HENMT1: variants seen among roughly 807,000 people sequenced by gnomAD.
HENMT1 encodes small RNA 2'-O-methyltransferase.
HENMT1 carries 27 observed loss-of-function variants against 31.1 expected under a neutral mutation model. The observed-to-expected ratio is 0.87, with a 90% CI of 0.64 to 1.20. The LOEUF (loss-of-function observed/expected upper bound fraction) is 1.20. Ranked by LOEUF, HENMT1 falls within the 50% of genes most tolerant of loss-of-function variation. The pLI, the probability that HENMT1 is intolerant of heterozygous loss-of-function variation, is 0.00. For missense variants in HENMT1, 438 were observed against 469.6 expected, an observed-to-expected ratio of 0.93 and a Z score of 0.62; for synonymous variants, 167 against 172.2, an observed-to-expected ratio of 0.97 and a Z score of 0.24.
chr1:108,658,044 TATACAC>T (rs1183895104), intron 2 of HENMT1, among the ~76,000 whole-genome samples: 10 of 117,026 alleles, frequency 8.5e-5, no homozygotes, highest in East Asian at 4.7e-4. Flanking sequence ...CACACATATA[TATACAC>T]ACACACACAC....
At chr1:108,655,744 G>A (rs1453348379) in intron 3 of HENMT1, 46 bp from the exon 4 acceptor site, 1 of 1,386,784 alleles carries the variant, frequency 7.2e-7, no homozygotes, top group South Asian at 1.2e-5. Flanking sequence ...TATAGCAAGA[G>A]AAGTATGATC....
chr1:108,650,436 C>T (rs750346585), intron 6 of HENMT1, 48 bp from the exon 7 acceptor site: 4 of 1,529,632 alleles, frequency 2.6e-6, no homozygotes, highest in Non-Finnish European at 2.7e-6. Context: ...TGTAGAGCTA[C>T]TGTTAAATAA....
chr1:108,654,681 T>G, intron 5 of HENMT1, 35 bp downstream of exon 5: 1 of 1,595,858 alleles, frequency 6.3e-7, no homozygotes, highest in Non-Finnish European at 8.6e-7. Context: ...GCTTTTCAAA[T>G]GAACAGTTAT....
rs200812446 is a variant in HENMT1 at position 108,650,368 on chromosome 1, C to T, written c.599G>A (p.Arg200His). The T allele has an allele frequency of 9.6e-5, 155 of 1,613,096 alleles. No homozygotes were observed. The highest frequency in any genetic ancestry group is 1.4e-4 in the South Asian group (13 of 90,776). ...FQTWALYVAN[R>H]YDYSVEFTGV... ...AGTAAACTCCACAGAGTAATCATAG[C>T]GATTTGCCACATATAAAGCCCTGAA... The change falls in exon 7 of 8, where the codon CGC becomes CAC. Residue 200 changes from arginine (R) to histidine (H), a missense_variant. Arg to His is a conservative substitution (Grantham distance 29). Coordinates refer to ENST00000651461, the MANE Select transcript of HENMT1 (RefSeq NM_001102592.2).
rs771379100 is a variant in HENMT1 at position 108,654,711 on chromosome 1, C to T, written c.398+5G>A. On this transcript the variant is annotated splice_donor_5th_base_variant and intron_variant, in intron 5 of 7. Coordinates refer to ENST00000651461, the MANE Select transcript of HENMT1 (RefSeq NM_001102592.2). ...AGTTATACAGTGTATCAGTTTAAAA[C>T]TTACAATTCAATACACGTTATCAAG... 6.2e-7 allele frequency: 1 copy of T among 1,613,890 alleles called. No individual in the cohort carries two copies. The highest frequency in any genetic ancestry group is 1.1e-5 in the South Asian group (1 of 91,080).
chr1:108,651,454 G>A (rs1017573655), intron 5 of HENMT1: 14 of 393,632 alleles, frequency 3.6e-5, no homozygotes, highest in Non-Finnish European at 5.5e-5. Flanking sequence ...AGACCAGCCC[G>A]GCCAACATGA....
chr1:108,654,902 C>A (rs746886847), intron 4 of HENMT1, 52 bp from the exon 5 acceptor site: 2 of 1,570,110 alleles, frequency 1.3e-6, no homozygotes, highest in Non-Finnish European at 1.7e-6. Context: ...TTTAAAAATT[C>A]TCACCAGCTA....
chr1:108,654,497 G>A lies in HENMT1; in HGVS notation c.398+219C>T, dbSNP rs182123472. Among the ~76,000 whole-genome samples, 139 of 152,242 alleles carry A rather than the reference G, an allele frequency of 9.1e-4. 3 individuals carry two copies. The highest frequency in any genetic ancestry group is 3.4e-3 in the Middle Eastern group (1 of 294). On this transcript the variant is annotated intron_variant, in intron 5 of 7. Transcript: ENST00000651461. ...GATGTTAACATCTGGATAAAGGGGG[G>A]TATAGGTATTCTTGGTACTATGTAT... is the stretch of plus-strand genomic sequence containing the variant.
intron 5 of HENMT1, among the ~76,000 whole-genome samples, chr1:108,654,312 T>C (rs1378737314): frequency 6.6e-6 from 1 of 152,142 alleles, no homozygotes; most frequent in Non-Finnish European, 1.5e-5. Flanking sequence ...TCAAGTCAAG[T>C]AGTGTGAGGC....
At chr1:108,656,516 TTCTC>T (rs1185318091) in intron 3 of HENMT1, among the ~76,000 whole-genome samples, 1 of 152,198 alleles carries the variant, frequency 6.6e-6, no homozygotes. Flanking sequence ...GACGGGCTCT[TTCTC>T]TGTTGCCCAG....
Position 108,659,934 on chromosome 1 carries a change from T to C in HENMT1, c.-50A>G, listed in dbSNP as rs749931596. On this transcript the variant is annotated 5_prime_UTR_variant, in exon 2 of 8. Coordinates refer to ENST00000651461, the MANE Select transcript of HENMT1 (RefSeq NM_001102592.2). ...AAAAATGAAGATTTATCCTTCAAGC[T>C]CTATTTGAGAGAATCAGCACTGACT... The C allele has an allele frequency of 6.4e-7, 1 of 1,573,358 alleles. No individual in the cohort carries two copies. The highest frequency in any genetic ancestry group is 1.2e-5 in the South Asian group (1 of 84,944).
intron 1 of HENMT1, 78 bp from the exon 2 acceptor site, chr1:108,660,040 A>G: frequency 1.4e-6 from 1 of 701,642 alleles, no homozygotes; most frequent in Non-Finnish European, 2.2e-6. Flanking sequence ...GAAGAACGAA[A>G]GCCTCTTTCT....
Position 108,655,704 on chromosome 1 carries a change from G to C in HENMT1, c.151-6C>G. The C allele has an allele frequency of 6.4e-7, 1 of 1,568,642 alleles. No homozygotes were observed. The highest frequency in any genetic ancestry group is 8.7e-7 in the Non-Finnish European group (1 of 1,149,312). ...CCACATCCCAGGTCTGCAACCTGTA[G>C]ATGAGACAGAATGTTATTTCAAAGA... On this transcript the variant is annotated splice_polypyrimidine_tract_variant and splice_region_variant and intron_variant, in intron 3 of 7. Transcript: ENST00000651461.
At chr1:108,649,500 T>C (rs747233249) in intron 7 of HENMT1, 5 of 401,114 alleles carry the variant, frequency 1.2e-5, no homozygotes, top group Non-Finnish European at 1.5e-5. Flanking sequence ...CCTGTCGTCC[T>C]AGCTACTTAG....
chr1:108,650,212 G>A lies in HENMT1; in HGVS notation c.755C>T (p.Ala252Val). 1 of 1,613,624 alleles carries A rather than the reference G, an allele frequency of 6.2e-7. No homozygotes were observed. The highest frequency in any genetic ancestry group is 1.7e-4 in the Middle Eastern group (1 of 6,058). Residue 252 changes from alanine to valine, a missense_variant and splice_region_variant, in exon 7 of 8, where the codon GCT (alanine) becomes GTT (valine). Ala to Val is a moderately conservative substitution (Grantham distance 64). Transcript: ENST00000651461. ...SEQHDQHVYK[A>V]VFTTSYPSLQ... ...AGCTATCTCACAAAGAATACTCACA[G>A]CTTTATAAACATGCTGATCATGCTG...
In HENMT1 at chr1:108,648,337, A is replaced by G; in HGVS notation, c.*229T>C. The G allele has an allele frequency of 1.9e-6, 1 of 525,816 alleles. No individual in the cohort carries two copies. The highest frequency in any genetic ancestry group is 3.4e-6 in the Non-Finnish European group (1 of 298,380). 32.6% of individuals were successfully genotyped at this position (525,816 alleles called of 1,614,324 possible). A position where few individuals can be genotyped will look rare whatever the true frequency, so the allele number is the denominator to read the frequency against. ...CCAACTTCTTTATTCTTGAGAAAAC[A>G]AAAAAGTCCAAAATCAAAGGAAAGC... On this transcript the variant is annotated 3_prime_UTR_variant, in exon 8 of 8. Coordinates refer to ENST00000651461, the MANE Select transcript of HENMT1 (RefSeq NM_001102592.2).
At position 108,650,276 on chromosome 1, in the gene HENMT1, T is replaced by C; in HGVS notation, c.691A>G (p.Lys231Glu). The C allele has an allele frequency of 1.9e-6, 3 of 1,614,164 alleles. No individual in the cohort carries two copies. The highest frequency in any genetic ancestry group is 2.5e-6 in the Non-Finnish European group (3 of 1,179,992). The change falls in exon 7 of 8, where the codon AAA becomes GAA. Residue 231 changes from lysine (K) to glutamate (E), a missense_variant. By Grantham distance (56) the Lys-to-Glu change is moderately conservative. Coordinates refer to ENST00000651461, the MANE Select transcript of HENMT1 (RefSeq NM_001102592.2). ...GYCTQIGIFR[K>E]NGGKATESCL... ...GATTCTGTTGCCTTTCCTCCATTTT[T>C]CCGGAAGATTCCTATCTGGGTACAG... is the stretch of plus-strand genomic sequence containing the variant.
Position 108,650,464 on chromosome 1 carries a change from G to A in HENMT1, c.579-76C>T. On this transcript the variant is annotated intron_variant, in intron 6 of 7. Transcript: ENST00000651461. Reference sequence around the variant, plus strand: ...TTAAATAAGGAACCATTTCTGGTCAGCAGTAAAAGAGAACATGAAAAATAC... The same window carrying A: ...TTAAATAAGGAACCATTTCTGGTCAACAGTAAAAGAGAACATGAAAAATAC... 4 of 1,291,664 alleles carry A rather than the reference G, an allele frequency of 3.1e-6. No individual in the cohort carries two copies. In the South Asian group the frequency reaches 4.1e-5, roughly 13 times the overall value. The allele number at this position is 1,291,664 out of a possible 1,614,324, so 80.0% of individuals were successfully genotyped here. A position where few individuals can be genotyped will look rare whatever the true frequency, so the allele number is the denominator to read the frequency against.
At position 108,648,525 on chromosome 1, in the gene HENMT1, A is replaced by G. The variant is rs1263213021; in HGVS notation, c.*41T>C. The G allele has an allele frequency of 6.5e-7, 1 of 1,543,678 alleles. No individual in the cohort carries two copies. Among genetic ancestry groups the G allele is most frequent in the Non-Finnish European group, 8.9e-7 (1 of 1,127,150 alleles). On this transcript the variant is annotated 3_prime_UTR_variant, in exon 8 of 8. Coordinates refer to ENST00000651461, the MANE Select transcript of HENMT1 (RefSeq NM_001102592.2). Reference sequence around the variant, plus strand: ...AAAAACTAAATTCTAAGTGAGCACAACTATCGCTGAGACCCTGAAATTTCA... The same window carrying G: ...AAAAACTAAATTCTAAGTGAGCACAGCTATCGCTGAGACCCTGAAATTTCA...
Sources: gnomAD v4.1 joint callset for allele counts (sites outside exome capture counted in the v4.1 genomes callset) on GRCh38, gnomAD v4.1.1 for gene constraint, MANE v1.5 for transcripts, NCBI Gene and HGNC (gene_info 2026-07-23, HGNC 2026-07-21) for gene names.